STPG2: variants seen among roughly 807,000 people sequenced by gnomAD.
STPG2 encodes the protein sperm-tail PG-rich repeat-containing protein 2.
A neutral mutation model predicts 54.2 loss-of-function variants in STPG2; 56 were observed. The ratio of observed to expected loss-of-function variants is 1.03; its 90% confidence interval spans 0.83 to 1.29. STPG2 has a LOEUF of 1.29. Ranked by LOEUF, STPG2 falls within the 50% of genes most tolerant of loss-of-function variation. The pLI is 0.00. For synonymous variants in STPG2, 200 were observed against 181.8 expected, an observed-to-expected ratio of 1.10 and a Z score of -0.81; for missense variants, 596 against 544.9, an observed-to-expected ratio of 1.09 and a Z score of -0.93.
At chr4:97,777,932 G>C (rs1026165459) in intron 9 of STPG2, among the ~76,000 whole-genome samples, 1 of 152,126 alleles carries the variant, frequency 6.6e-6, no homozygotes, top group Admixed American at 6.5e-5. Flanking sequence ...AATCAGGGGG[G>C]TGGTTCCAAG....
At chr4:97,670,979 C>T (rs1389089060) in intron 10 of STPG2, among the ~76,000 whole-genome samples, 3 of 152,190 alleles carry the variant, frequency 2.0e-5, no homozygotes, top group African/African-American at 7.2e-5. Flanking sequence ...TCCCACTGCA[C>T]TCTGTCTTCT....
At chr4:97,933,412 G>C (rs1732624427) in intron 8 of STPG2, among the ~76,000 whole-genome samples, 1 of 151,952 alleles carries the variant, frequency 6.6e-6, no homozygotes, top group Admixed American at 6.6e-5. Context: ...AATTGCTTTT[G>C]GTGATTTCAT....
At chr4:97,459,486 C>T (rs1456396520) in intron 4 of STPG2, among the ~76,000 whole-genome samples, 1 of 144,736 alleles carries the variant, frequency 6.9e-6, no homozygotes, top group Non-Finnish European at 1.5e-5. Context: ...GTCGCCCAGG[C>T]TGGAGTGCAG....
At chr4:97,671,560 T>A (rs904820877) in intron 10 of STPG2, among the ~76,000 whole-genome samples, 2 of 152,198 alleles carry the variant, frequency 1.3e-5, no homozygotes, top group Admixed American at 6.5e-5. Context: ...AATGCACCCA[T>A]ATACAAAGAA....
chr4:97,738,436 G>C (rs1036050184), intron 9 of STPG2, among the ~76,000 whole-genome samples: 17 of 152,094 alleles, frequency 1.1e-4, no homozygotes, highest in African/African-American at 3.6e-4. Flanking sequence ...AAAGAGTCAA[G>C]ACCAATCAGA....
intron 7 of STPG2, among the ~76,000 whole-genome samples, chr4:97,968,778 A>T (rs1040816308): frequency 6.6e-6 from 1 of 152,202 alleles, no homozygotes; most frequent in Non-Finnish European, 1.5e-5. Flanking sequence ...TTGCTATGGA[A>T]TAAAAGATGA....
chr4:97,775,979 C>T (rs1237779586), intron 9 of STPG2, among the ~76,000 whole-genome samples: 7 of 152,092 alleles, frequency 4.6e-5, no homozygotes, highest in African/African-American at 1.7e-4. Context: ...CAAGACTGGT[C>T]TCGAACTCCT....
chr4:97,830,654 G>A (rs1728425207), intron 9 of STPG2, among the ~76,000 whole-genome samples: 1 of 152,084 alleles, frequency 6.6e-6, no homozygotes, highest in South Asian at 2.1e-4. Context: ...GACACACATA[G>A]GCTCAAAATA....
At chr4:97,790,788 G>T (rs778084706) in intron 9 of STPG2, among the ~76,000 whole-genome samples, 13 of 152,136 alleles carry the variant, frequency 8.5e-5, no homozygotes, top group Non-Finnish European at 1.5e-4. Flanking sequence ...CACCTGAATA[G>T]TCCAGGTTAA....
At chr4:97,513,077 A>T (rs965644192) in intron 4 of STPG2, among the ~76,000 whole-genome samples, 3 of 152,034 alleles carry the variant, frequency 2.0e-5, no homozygotes, top group African/African-American at 7.2e-5. Context: ...GGTTTCCATG[A>T]CTCCTTTCTT....
intron 9 of STPG2, among the ~76,000 whole-genome samples, chr4:97,749,968 G>A (rs13114823): frequency 0.42 from 63,588 of 151,512 alleles, 13,958 homozygotes; most frequent in Admixed American, 0.54. Context: ...AAGCATCCTA[G>A]GGATGGTACC....
chr4:98,093,839 T>G (rs1168271003), intron 5 of STPG2, among the ~76,000 whole-genome samples: 1 of 152,170 alleles, frequency 6.6e-6, no homozygotes, highest in Non-Finnish European at 1.5e-5. Flanking sequence ...CCAGCACCCA[T>G]GCATAGAAGG....
chr4:97,443,190 C>T (rs996798125), intron 4 of STPG2, among the ~76,000 whole-genome samples: 3 of 152,126 alleles, frequency 2.0e-5, no homozygotes, highest in Admixed American at 6.5e-5. Flanking sequence ...ACATTTCCCT[C>T]GAGGAATCTT....
intron 8 of STPG2, among the ~76,000 whole-genome samples, chr4:97,869,206 A>G (rs1729895786): frequency 6.6e-6 from 1 of 151,852 alleles, no homozygotes; most frequent in Admixed American, 6.6e-5. Context: ...CAAGAATTTA[A>G]TAAGTAGTAA....
chr4:98,121,910 C>T (rs1297660932), intron 3 of STPG2, among the ~76,000 whole-genome samples: 11 of 151,994 alleles, frequency 7.2e-5, no homozygotes, highest in African/African-American at 1.9e-4. Context: ...TTAGTACAGA[C>T]GGAGTTTCAC....
chr4:97,648,318 T>C (rs1180947545), intron 10 of STPG2, among the ~76,000 whole-genome samples: 1 of 152,282 alleles, frequency 6.6e-6, no homozygotes, highest in East Asian at 1.9e-4. Flanking sequence ...AATATGCAGA[T>C]CTCAAAGAAT....
chr4:97,896,933 G>A (rs1456248043), intron 8 of STPG2, among the ~76,000 whole-genome samples: 1 of 151,256 alleles, frequency 6.6e-6, no homozygotes, highest in Non-Finnish European at 1.5e-5. Context: ...TAAGTTCTGG[G>A]TACATGTGCA....
At chr4:97,472,838 G>C (rs1729971456) in intron 4 of STPG2, among the ~76,000 whole-genome samples, 1 of 152,174 alleles carries the variant, frequency 6.6e-6, no homozygotes, top group Admixed American at 6.5e-5. Flanking sequence ...CGGGAAGTCA[G>C]GGACCCTGAA....
At chr4:97,669,349 C>T (rs1722628522) in intron 10 of STPG2, among the ~76,000 whole-genome samples, 2 of 152,136 alleles carry the variant, frequency 1.3e-5, no homozygotes, top group African/African-American at 4.8e-5. Flanking sequence ...ACTAATAATG[C>T]TTCTATTGAA....
Sources: gnomAD v4.1 joint callset for allele counts (sites outside exome capture counted in the v4.1 genomes callset) on GRCh38, gnomAD v4.1.1 for gene constraint, MANE v1.5 for transcripts, NCBI Gene and HGNC (gene_info 2026-07-23, HGNC 2026-07-21) for gene names.